ARL6IP6: variants seen among roughly 807,000 people sequenced by gnomAD.
The protein encoded by ARL6IP6 is ARF like GTPase 6 interacting protein 6.
Under a neutral mutation model 21.5 loss-of-function variants are expected in ARL6IP6, and 22 were observed. The ratio of observed to expected loss-of-function variants is 1.02; its 90% CI spans 0.73 to 1.46. ARL6IP6 has a LOEUF of 1.46. ARL6IP6 is among the 40% of genes most tolerant of loss of function. The pLI is 0.00. For missense variants in ARL6IP6, 388 were observed against 299.8 expected (o/e 1.29, Z -2.17); for synonymous variants, 164 against 125.3 (o/e 1.31, Z -2.06).
intron 2 of ARL6IP6, among the ~76,000 whole-genome samples, chr2:152,725,474 T>TG (rs1699998840): frequency 6.6e-6 from 1 of 152,052 alleles, no homozygotes; most frequent in Admixed American, 6.6e-5. Context: ...AAAGGTGATT[T>TG]GGAAAAAAAA....
At position 152,762,081 on chromosome 2, in the gene ARL6IP6, G is replaced by A. The variant is rs1331946073; in HGVS notation, c.*2241G>A. ...ATCTATATGCAGAATGATTAGGCAA[G>A]GATAGTCACCTAACTCTGGCTGAGC... On this transcript the variant is annotated 3_prime_UTR_variant, in exon 4 of 4. Transcript: ENST00000326446. Among the ~76,000 whole-genome samples the A allele has an allele frequency of 6.6e-6, 1 of 152,126 alleles. No homozygotes were observed. Among genetic ancestry groups the A allele is most frequent in the Non-Finnish European group, 1.5e-5 (1 of 68,032 alleles).
At position 152,746,104 on chromosome 2, in the gene ARL6IP6, G is replaced by A. The variant is rs747008259; in HGVS notation, c.587+10978G>A. On this transcript the variant is annotated intron_variant, in intron 3 of 3. Transcript: ENST00000326446. Reference sequence around the variant, plus strand: ...ATGATCTTGGGTGACTGCAACCTTTGCCTTCTGGGCTGAAGCGATCCTCCC... The same window carrying A: ...ATGATCTTGGGTGACTGCAACCTTTACCTTCTGGGCTGAAGCGATCCTCCC... Among the ~76,000 whole-genome samples the A allele has an allele frequency of 6.6e-5, 9 of 137,062 alleles. No individual in the cohort carries two copies. In the South Asian group the frequency reaches 9.2e-4, roughly 14 times the overall value. The allele number at this position is 137,062 out of a possible 152,430, so 89.9% of individuals were successfully genotyped here.
chr2:152,730,697 G>A (rs1197298408), intron 2 of ARL6IP6, among the ~76,000 whole-genome samples: 1 of 152,162 alleles, frequency 6.6e-6, no homozygotes, highest in Non-Finnish European at 1.5e-5. Flanking sequence ...GCTATAGTGA[G>A]TATTGAAGTA....
intron 2 of ARL6IP6, among the ~76,000 whole-genome samples, chr2:152,725,078 G>A (rs573821051): frequency 2.6e-5 from 4 of 152,250 alleles, no homozygotes; most frequent in African/African-American, 9.6e-5. Flanking sequence ...GAGCAGTTCT[G>A]TTTGTAAGGA....
chr2:152,747,369 C>G lies in ARL6IP6; in HGVS notation c.587+12243C>G, dbSNP rs147462160. Among the ~76,000 whole-genome samples the G allele has an allele frequency of 4.7e-4, 71 of 152,252 alleles. No homozygotes were observed. The East Asian group carries it at 0.012, about 25-fold the overall frequency. On this transcript the variant is annotated intron_variant, in intron 3 of 3. Transcript: ENST00000326446. ...CCATTGTCTCTTGCTTCTGCGCATA[C>G]TGTTAGGTGTTTAGAACACTAAATC...
At chr2:152,719,110 C>T (rs1304838669) in intron 1 of ARL6IP6, 86 bp downstream of exon 1, 20 of 1,384,572 alleles carry the variant, frequency 1.4e-5, no homozygotes, top group Admixed American at 8.4e-5. Context: ...CCCTTTCCCT[C>T]GCGCTAAGCC....
chr2:152,735,969 A>G (rs1412017462), intron 3 of ARL6IP6, among the ~76,000 whole-genome samples: 4 of 152,162 alleles, frequency 2.6e-5, no homozygotes, highest in Non-Finnish European at 5.9e-5. Context: ...CTTCATTATT[A>G]GTAAACTCCC....
chr2:152,718,580 G>C (rs367556961), upstream of ARL6IP6: 979 of 1,498,090 alleles, frequency 6.5e-4, 1 homozygote, highest in Non-Finnish European at 7.0e-4. Flanking sequence ...GGGCGGGGCA[G>C]GTGGGAGAGG....
chr2:152,735,144 C>G lies in ARL6IP6; in HGVS notation c.587+18C>G. 6.2e-7 allele frequency: 1 copy of G among 1,611,888 alleles called. No homozygotes were observed. The highest frequency in any genetic ancestry group is 8.5e-7 in the Non-Finnish European group (1 of 1,178,740). ...AGGTTCAAGTAAGTATTCCTGTTTC[C>G]TGTTTCTTTTTTAAATGCATTTCAA... On this transcript the variant is annotated intron_variant, in intron 3 of 3. Transcript: ENST00000326446.
At chr2:152,757,234 G>C (rs901321578) in intron 3 of ARL6IP6, among the ~76,000 whole-genome samples, 1 of 152,224 alleles carries the variant, frequency 6.6e-6, no homozygotes, top group African/African-American at 2.4e-5. Flanking sequence ...ATCTGCAGGA[G>C]GTAAGTTGAA....
At chr2:152,724,910 A>G (rs909134624) in intron 2 of ARL6IP6, among the ~76,000 whole-genome samples, 4 of 152,108 alleles carry the variant, frequency 2.6e-5, no homozygotes, top group Non-Finnish European at 4.4e-5. Flanking sequence ...AAAAAAAAGC[A>G]AAAAAACGAA....
Position 152,718,993 on chromosome 2 carries a change from C to T in ARL6IP6, c.369C>T (p.Phe123=). 6 of 1,581,998 alleles carry T rather than the reference C, an allele frequency of 3.8e-6. No individual in the cohort carries two copies. Among genetic ancestry groups the T allele is most frequent in the South Asian group, 1.1e-5 (1 of 87,376 alleles). The change falls in exon 1 of 4, where the codon TTC becomes TTT. Residue 123 remains phenylalanine, a synonymous_variant. Coordinates refer to ENST00000326446, the MANE Select transcript of ARL6IP6 (RefSeq NM_152522.7). ...TGCTCTTCGCCATTCTTCTCGCCTT[C>T]CTCCTCGCCATCGCCTACTTGATCG... is the stretch of plus-strand genomic sequence containing the variant. ...CSLLFAILLA[F]LLAIAYLIVK...
At chr2:152,726,156 T>TA (rs397965355) in intron 2 of ARL6IP6, among the ~76,000 whole-genome samples, 2 of 152,108 alleles carry the variant, frequency 1.3e-5, no homozygotes, top group South Asian at 2.1e-4. Context: ...GTTTTTTTTT[T>TA]AATTTTCCCA....
At position 152,718,773 on chromosome 2, in the gene ARL6IP6, A is replaced by T. The variant is rs1189746706; in HGVS notation, c.149A>T (p.Gln50Leu). ...GEVDEEEGCD[Q>L]VARDLRAEFS... ...GTCGACGAGGAGGAGGGATGCGACC[A>T]AGTGGCCCGCGACCTGCGGGCGGAG... is the stretch of plus-strand genomic sequence containing the variant. Residue 50 changes from glutamine (Q) to leucine (L), a missense_variant, in exon 1 of 4, where the codon CAA becomes CTA. Coordinates refer to ENST00000326446, the MANE Select transcript of ARL6IP6 (RefSeq NM_152522.7). 7 of 1,608,594 alleles carry T rather than the reference A, an allele frequency of 4.4e-6. No individual in the cohort carries two copies. The highest frequency in any genetic ancestry group is 5.9e-6 in the Non-Finnish European group (7 of 1,177,430).
intron 3 of ARL6IP6, among the ~76,000 whole-genome samples, chr2:152,751,431 A>G (rs1574065510): frequency 6.6e-6 from 1 of 152,228 alleles, no homozygotes; most frequent in Non-Finnish European, 1.5e-5. Context: ...GCTATAGAAC[A>G]CTAGAAGTCA....
intron 3 of ARL6IP6, among the ~76,000 whole-genome samples, chr2:152,754,065 T>G (rs185554051): frequency 8.2e-4 from 124 of 151,818 alleles, no homozygotes; most frequent in Non-Finnish European, 1.5e-3. Flanking sequence ...TTTCATATAA[T>G]TTACATAGGA....
At chr2:152,724,154 G>GATA (rs1297231614) in intron 2 of ARL6IP6, among the ~76,000 whole-genome samples, 2 of 150,248 alleles carry the variant, frequency 1.3e-5, no homozygotes, top group East Asian at 1.9e-4. Context: ...GGACTGGAAG[G>GATA]ATATAATCAA....
At chr2:152,756,238 T>G (rs965374716) in intron 3 of ARL6IP6, among the ~76,000 whole-genome samples, 5 of 152,178 alleles carry the variant, frequency 3.3e-5, no homozygotes, top group Non-Finnish European at 7.4e-5. Flanking sequence ...TTGGTCTATT[T>G]TGAGTATATT....
chr2:152,725,879 T>A (rs1311919291), intron 2 of ARL6IP6, among the ~76,000 whole-genome samples: 1 of 152,214 alleles, frequency 6.6e-6, no homozygotes, highest in East Asian at 1.9e-4. Flanking sequence ...AACAAAGTTT[T>A]TTTCCTGCTG....
Sources: gnomAD v4.1 joint callset for allele counts (sites outside exome capture counted in the v4.1 genomes callset) on GRCh38, gnomAD v4.1.1 for gene constraint, MANE v1.5 for transcripts, NCBI Gene and HGNC (gene_info 2026-07-23, HGNC 2026-07-21) for gene names.